Variants in DBT observed in about 807,000 individuals in gnomAD.
DBT encodes the protein lipoamide acyltransferase component of branched-chain alpha-keto acid dehydrogenase complex, mitochondrial.
In DBT, 40 loss-of-function variants were observed where a neutral mutation model predicts 51.3. The observed-to-expected ratio is 0.78, with a 90% CI of 0.61 to 1.02. DBT has a LOEUF of 1.02. Among genes scored for constraint, DBT ranks in the 50% least tolerant of loss-of-function variants. The pLI, the probability that DBT is intolerant of heterozygous loss-of-function variation, is 0.00. For synonymous variants in DBT, 181 were observed against 190.4 expected (o/e 0.95, Z 0.41); for missense variants, 510 against 580.2 (o/e 0.88, Z 1.24).
At chr1:100,199,023 G>A (rs1223734059) in intron 10 of DBT, among the ~76,000 whole-genome samples, 2 of 152,106 alleles carry the variant, frequency 1.3e-5, no homozygotes, top group Non-Finnish European at 2.9e-5. Flanking sequence ...GAGCTTATTT[G>A]CCTCAGTGGT....
chr1:100,236,316 A>C (rs1663866702), intron 2 of DBT, among the ~76,000 whole-genome samples: 1 of 152,222 alleles, frequency 6.6e-6, no homozygotes, highest in South Asian at 2.1e-4. Context: ...TTCTCAAAAG[A>C]GAAAAGTATT....
intron 4 of DBT, among the ~76,000 whole-genome samples, chr1:100,222,197 G>A (rs573846072): frequency 3.3e-5 from 5 of 152,272 alleles, no homozygotes; most frequent in Non-Finnish European, 7.4e-5. Context: ...ATTGAACCAT[G>A]CAATTTATGT....
At chr1:100,213,302 A>G (rs941802459) in intron 7 of DBT, 9 of 1,476,276 alleles carry the variant, frequency 6.1e-6, no homozygotes, top group Admixed American at 4.6e-5. Context: ...CATGGACCAC[A>G]AGACTCTGCT....
chr1:100,246,109 A>C (rs1664521323), intron 1 of DBT, among the ~76,000 whole-genome samples: 2 of 151,956 alleles, frequency 1.3e-5, no homozygotes, highest in Non-Finnish European at 2.9e-5. Flanking sequence ...TAAAAATACA[A>C]AAATTAGCTG....
At chr1:100,248,947 C>T in intron 1 of DBT, 1 of 249,816 alleles carries the variant, frequency 4.0e-6, no homozygotes, top group Non-Finnish European at 6.4e-6. Flanking sequence ...CCTTTGTCCT[C>T]CACCACAAGG....
At chr1:100,235,079 T>TA (rs1663787634) in intron 3 of DBT, among the ~76,000 whole-genome samples, 1 of 152,200 alleles carries the variant, frequency 6.6e-6, no homozygotes, top group African/African-American at 2.4e-5. Flanking sequence ...TGACTTTTGG[T>TA]AAAATATTTT....
At chr1:100,235,237 T>C (rs1663795196) in intron 3 of DBT, among the ~76,000 whole-genome samples, 199 bp downstream of exon 3, 1 of 152,188 alleles carries the variant, frequency 6.6e-6, no homozygotes, top group Non-Finnish European at 1.5e-5. Flanking sequence ...CCTTGATGTA[T>C]GACAAAGTCC....
intron 4 of DBT, among the ~76,000 whole-genome samples, chr1:100,223,490 TG>T: frequency 6.6e-6 from 1 of 152,156 alleles, no homozygotes; most frequent in Non-Finnish European, 1.5e-5. Flanking sequence ...TTTAAGAAAC[TG>T]GGTCTTGCTC....
intron 2 of DBT, among the ~76,000 whole-genome samples, chr1:100,240,150 A>C (rs1469621582): frequency 6.6e-6 from 1 of 152,188 alleles, no homozygotes; most frequent in Non-Finnish European, 1.5e-5. Context: ...GGAACTTTCT[A>C]TTTAGTACTA....
At chr1:100,203,536 T>A (rs190582640) in intron 10 of DBT, among the ~76,000 whole-genome samples, 1 of 152,318 alleles carries the variant, frequency 6.6e-6, no homozygotes, top group Non-Finnish European at 1.5e-5. Context: ...GAGGAGCTGG[T>A]ACCATTCCTT....
At chr1:100,235,272 G>A (rs1046657052) in intron 3 of DBT, among the ~76,000 whole-genome samples, 164 bp downstream of exon 3, 5 of 151,782 alleles carry the variant, frequency 3.3e-5, no homozygotes, top group African/African-American at 2.4e-5. Flanking sequence ...ATCAACACAA[G>A]GTAATTCTAC....
chr1:100,225,052 T>TATATACACAC (rs1185819980), intron 4 of DBT, among the ~76,000 whole-genome samples: 6 of 79,052 alleles, frequency 7.6e-5, no homozygotes, highest in African/African-American at 2.5e-4. Context: ...AATATATATA[T>TATATACACAC]ACACACACAC....
intron 10 of DBT, among the ~76,000 whole-genome samples, 160 bp downstream of exon 10, chr1:100,206,070 G>GT (rs1228991239): frequency 1.1e-5 from 1 of 94,288 alleles, no homozygotes; most frequent in Non-Finnish European, 2.3e-5. Context: ...AGAACTTAAA[G>GT]TTAAAAAAAA....
chr1:100,242,994 G>A (rs189914969), intron 1 of DBT, among the ~76,000 whole-genome samples: 1 of 152,148 alleles, frequency 6.6e-6, no homozygotes, highest in East Asian at 1.9e-4. Flanking sequence ...GGCCAGGCAT[G>A]GTGGCTCTGG....
chr1:100,220,649 G>A lies in DBT; in HGVS notation c.434-1902C>T, dbSNP rs76303669. Among the ~76,000 whole-genome samples the A allele has an allele frequency of 5.6e-3, 853 of 152,294 alleles. 25 individuals are homozygous for A. The highest frequency in any genetic ancestry group is 0.043 in the Admixed American group (659 of 15,290). On this transcript the variant is annotated intron_variant, in intron 4 of 10. Transcript: ENST00000370132. The stretch of plus-strand genomic sequence containing the variant: ...CAGTATCTTACTTTTCATTACAACT[G>A]TTTAAGATAGGTATTATTATCCCCA...
At chr1:100,241,743 G>A (rs927579557) in intron 1 of DBT, among the ~76,000 whole-genome samples, 2 of 152,126 alleles carry the variant, frequency 1.3e-5, no homozygotes, top group Non-Finnish European at 2.9e-5. Flanking sequence ...ATTAGGCCAG[G>A]CGCGGTGGCT....
At chr1:100,216,298 G>T in intron 5 of DBT, 99 bp from the exon 6 acceptor site, 1 of 818,054 alleles carries the variant, frequency 1.2e-6, no homozygotes, top group Non-Finnish European at 2.0e-6. Context: ...AAATATATCT[G>T]TCCAATAAAT....
intron 7 of DBT, among the ~76,000 whole-genome samples, chr1:100,214,421 C>T (rs767215759): frequency 2.0e-5 from 3 of 152,204 alleles, no homozygotes; most frequent in Non-Finnish European, 2.9e-5. Context: ...TTCAAGGCCA[C>T]AGTCAACATA....
chr1:100,220,666 T>A (rs972456231), intron 4 of DBT, among the ~76,000 whole-genome samples: 2 of 152,236 alleles, frequency 1.3e-5, no homozygotes, highest in Non-Finnish European at 2.9e-5. Context: ...ATAGGTATTA[T>A]TATCCCCATT....
Sources: allele counts gnomAD v4.1 joint callset (sites outside exome capture counted in the v4.1 genomes callset), GRCh38; gene constraint gnomAD v4.1.1; transcripts MANE v1.5; gene names NCBI Gene and HGNC (gene_info 2026-07-23, HGNC 2026-07-21).